ADA2: variants seen among roughly 807,000 people sequenced by gnomAD.
ADA2 encodes the protein adenosine deaminase 2.
Under a neutral mutation model 44.2 loss-of-function variants are expected in ADA2, and 29 were observed. The observed-to-expected ratio is 0.66, with a 90% CI of 0.49 to 0.89. The LOEUF (loss-of-function observed/expected upper bound fraction) is 0.89, where lower values mean the gene tolerates loss of function less well. Ranked by LOEUF, ADA2 falls within the 40% of genes least tolerant of loss-of-function variation. ADA2 has a pLI of 0.00. For synonymous variants in ADA2, 215 were observed against 234.9 expected (o/e 0.92, Z 0.77); for missense variants, 637 against 644.8 (o/e 0.99, Z 0.13).
intron 4 of ADA2, chr22:17,199,419 T>TCCCTCCCCTCCTCCATCCTCTTCCCCC: frequency 1.1e-6 from 1 of 927,946 alleles, no homozygotes; most frequent in Non-Finnish European, 1.8e-6. Context: ...CAGCGTCTCC[T>TCCCTCCCCTCCTCCATCCTCTTCCCCC]CCCTCCCCTC....
At chr22:17,216,011 A>AC (rs1365868162) in intron 1 of ADA2, among the ~76,000 whole-genome samples, 1 of 151,794 alleles carries the variant, frequency 6.6e-6, no homozygotes, top group Non-Finnish European at 1.5e-5. Context: ...ACATGGTGAA[A>AC]CCCCATCTCT....
At position 17,188,390 on chromosome 22, in the gene ADA2, G is replaced by A. The variant is rs2123633992; in HGVS notation, c.1030C>T (p.Pro344Ser). Reference protein sequence around the residue: ...LHDYKEALMIPAKDGVKLPYF... With the variant: ...LHDYKEALMISAKDGVKLPYF... ...GGCAGCTTAACGCCATCCTTGGCGG[G>A]GATCATCAGAGCTTCCTTGTAGTCA... is the stretch of plus-strand genomic sequence containing the variant. Residue 344 changes from proline to serine, a missense_variant, in exon 7 of 10, where the codon CCC (proline) becomes TCC (serine). Physicochemically the swap from Pro to Ser is moderately conservative, Grantham distance 74. Coordinates refer to ENST00000399837, the MANE Select transcript of ADA2 (RefSeq NM_001282225.2). 1.2e-6 allele frequency: 2 copies of A among 1,614,096 alleles called. No homozygotes were observed. Among genetic ancestry groups the A allele is most frequent in the Admixed American group, 1.7e-5 (1 of 60,030 alleles).
chr22:17,209,639 G>T lies in ADA2; in HGVS notation c.39C>A (p.Cys13Ter). 6.2e-7 allele frequency: 1 copy of T among 1,613,906 alleles called. No homozygotes were observed. The highest frequency in any genetic ancestry group is 8.5e-7 in the Non-Finnish European group (1 of 1,180,016). The change falls in exon 2 of 10, where the codon TGC becomes TGA. Residue 13 changes from cysteine to a stop codon, truncating the protein, a stop_gained. Transcript: ENST00000399837. LOFTEE classifies it high-confidence loss of function. ...VDGPSERPAL[C>*]FLLLAVAMSF... ...ACATTGCCACAGCCAACAGCAAGAA[G>T]CACAGGGCTGGCCGCTCAGATGGGC...
chr22:17,197,761 G>A (rs1202967058), intron 4 of ADA2, among the ~76,000 whole-genome samples: 2 of 152,220 alleles, frequency 1.3e-5, no homozygotes, highest in Non-Finnish European at 2.9e-5. Context: ...TGAGAAGGCT[G>A]AGCACGGTGG....
intron 3 of ADA2, among the ~76,000 whole-genome samples, chr22:17,204,675 T>C (rs362149): frequency 0.77 from 117,517 of 151,726 alleles, 45,763 homozygotes; most frequent in Middle Eastern, 0.87. Flanking sequence ...GCCATGTGAG[T>C]ACACAGCCAG....
intron 6 of ADA2, among the ~76,000 whole-genome samples, chr22:17,189,480 G>C (rs538307798): frequency 1.3e-5 from 2 of 152,126 alleles, no homozygotes; most frequent in Non-Finnish European, 2.9e-5. Flanking sequence ...CTACCTTGAG[G>C]ATTTGCAAAG....
intron 5 of ADA2, among the ~76,000 whole-genome samples, chr22:17,190,698 C>T (rs1446456757): frequency 6.6e-6 from 1 of 152,214 alleles, no homozygotes; most frequent in African/African-American, 2.4e-5. Flanking sequence ...CATGGCCTCT[C>T]CCCAGAGCCT....
At chr22:17,213,763 C>G in intron 1 of ADA2, 1 of 249,996 alleles carries the variant, frequency 4.0e-6, no homozygotes, top group Non-Finnish European at 7.9e-6. Context: ...CCAGGCCAGG[C>G]TTGGTGACTC....
At chr22:17,199,533 G>A in intron 4 of ADA2, 1 of 1,597,720 alleles carries the variant, frequency 6.3e-7, no homozygotes, top group Non-Finnish European at 8.5e-7. Flanking sequence ...TTGCCCAACA[G>A]GAAGTTCTCC....
At chr22:17,198,987 GAA>G (rs145536498) in intron 4 of ADA2, among the ~76,000 whole-genome samples, 5,422 of 152,266 alleles carry the variant, frequency 0.036, 166 homozygotes, top group South Asian at 0.1. Flanking sequence ...GGATTCTAGT[GAA>G]GACTGTTTTT....
At chr22:17,213,158 A>G (rs552320234) in intron 1 of ADA2, among the ~76,000 whole-genome samples, 21 of 152,262 alleles carry the variant, frequency 1.4e-4, no homozygotes, top group African/African-American at 4.8e-4. Flanking sequence ...CCCATCTCAA[A>G]AAATGGCTAT....
In ADA2 at chr22:17,209,710, G is replaced by A; in HGVS notation, c.-33C>T. The A allele has an allele frequency of 6.4e-7, 1 of 1,570,742 alleles. No individual in the cohort carries two copies. Among genetic ancestry groups the A allele is most frequent in the Non-Finnish European group, 8.7e-7 (1 of 1,150,880 alleles). ...CCTGGACTAGGAAAGGGCTCAGATG[G>A]AGACTCCACGGGACTGCAAAGGAGA... On this transcript the variant is annotated 5_prime_UTR_variant, in exon 2 of 10. Transcript: ENST00000399837.
intron 3 of ADA2, among the ~76,000 whole-genome samples, 174 bp downstream of exon 3, chr22:17,206,897 G>A (rs775616304): frequency 6.6e-6 from 1 of 152,124 alleles, no homozygotes; most frequent in African/African-American, 2.4e-5. Flanking sequence ...CAAGTGATCC[G>A]CTCGCCTTGG....
chr22:17,207,255 T>G lies in ADA2; in HGVS notation c.358A>C (p.Thr120Pro), dbSNP rs780433316. ...ACATTCCTCACCAGCCAGTCCATAG[T>G]CACGATGCCAATGTCATGGAGGTGC... The part of the protein sequence containing the change: ...ALHLHDIGIV[T>P]MDWLVRNVTY... Residue 120 changes from threonine (T) to proline (P), a missense_variant, in exon 3 of 10, where the codon ACT (threonine) becomes CCT (proline). Thr to Pro is a conservative substitution (Grantham distance 38). Transcript: ENST00000399837. 5.0e-6 allele frequency: 8 copies of G among 1,610,960 alleles called. No homozygotes were observed. The highest frequency in any genetic ancestry group is 1.7e-5 in the Admixed American group (1 of 59,974).
intron 1 of ADA2, among the ~76,000 whole-genome samples, chr22:17,215,638 T>A (rs2062463332): frequency 6.6e-6 from 1 of 151,410 alleles, no homozygotes; most frequent in South Asian, 2.1e-4. Context: ...AATCACGTCA[T>A]TTGCACCAAC....
chr22:17,209,994 C>T, intron 1 of ADA2: 1 of 274,092 alleles, frequency 3.6e-6, no homozygotes, highest in South Asian at 5.8e-5. Context: ...GGGTTCACAC[C>T]ATTCTCCTGC....
chr22:17,182,764 G>T lies in ADA2; in HGVS notation c.1082-3C>A. ...GTCTATGGAAGTACCCTGCCAGTCT[G>T]AACACACGGGAATGGTCTTCCATGG... On this transcript the variant is annotated splice_region_variant and splice_polypyrimidine_tract_variant and intron_variant, in intron 7 of 9. Coordinates refer to ENST00000399837, the MANE Select transcript of ADA2 (RefSeq NM_001282225.2). The T allele has an allele frequency of 6.2e-7, 1 of 1,612,648 alleles. No individual in the cohort carries two copies. The highest frequency in any genetic ancestry group is 1.1e-5 in the South Asian group (1 of 90,976).
intron 8 of ADA2, 72 bp downstream of exon 8, chr22:17,182,524 TTATACAGC>T: frequency 7.2e-7 from 1 of 1,387,010 alleles, no homozygotes; most frequent in Admixed American, 1.7e-5. Context: ...GAGAGATAAG[TTATACAGC>T]AAAAAGTTTA....
intron 5 of ADA2, among the ~76,000 whole-genome samples, chr22:17,190,622 T>A (rs1200044965): frequency 6.6e-6 from 1 of 152,242 alleles, no homozygotes; most frequent in Non-Finnish European, 1.5e-5. Context: ...GTCTTTGCCC[T>A]GCCACTGGCT....
Sources: gnomAD v4.1 joint callset for allele counts (sites outside exome capture counted in the v4.1 genomes callset) on GRCh38, gnomAD v4.1.1 for gene constraint, MANE v1.5 for transcripts, NCBI Gene and HGNC (gene_info 2026-07-23, HGNC 2026-07-21) for gene names.